CSMD3: variants seen among roughly 807,000 people sequenced by gnomAD.
The protein encoded by CSMD3 is CUB and sushi domain-containing protein 3.
A neutral mutation model predicts 435.2 loss-of-function variants in CSMD3; 177 were observed. That is an observed-to-expected ratio of 0.41 (90% CI 0.36 to 0.46). The LOEUF is 0.46. Among genes scored for constraint, CSMD3 ranks in the 20% least tolerant of loss-of-function variants. CSMD3 has a pLI of 0.34. For missense variants in CSMD3, 4,265 were observed against 4,504.6 expected, an observed-to-expected ratio of 0.95 and a Z score of 1.52; for synonymous variants, 1,656 against 1,520.5, an observed-to-expected ratio of 1.09 and a Z score of -2.07.
At chr8:112,448,888 G>A (rs1222535440) in intron 32 of CSMD3, among the ~76,000 whole-genome samples, 2 of 152,028 alleles carry the variant, frequency 1.3e-5, no homozygotes, top group Admixed American at 6.6e-5. Flanking sequence ...ACAGGCCAAA[G>A]TGCTAGAAAG....
chr8:113,214,372 T>C (rs2092876388), intron 3 of CSMD3, among the ~76,000 whole-genome samples: 1 of 151,988 alleles, frequency 6.6e-6, no homozygotes, highest in Non-Finnish European at 1.5e-5. Flanking sequence ...TCATTCATGC[T>C]AACTTTTTGA....
intron 1 of CSMD3, among the ~76,000 whole-genome samples, chr8:113,335,166 T>G (rs1399082475): frequency 6.6e-6 from 1 of 152,056 alleles, no homozygotes; most frequent in Non-Finnish European, 1.5e-5. Context: ...AATATCTTGC[T>G]CCTCCATTAC....
At chr8:112,482,818 G>T (rs1048651587) in intron 31 of CSMD3, among the ~76,000 whole-genome samples, 6 of 152,086 alleles carry the variant, frequency 3.9e-5, no homozygotes, top group Non-Finnish European at 8.8e-5. Flanking sequence ...GCTTTCTTGG[G>T]AATGTTTTCT....
intron 32 of CSMD3, among the ~76,000 whole-genome samples, chr8:112,467,362 G>A (rs1818061831): frequency 6.6e-6 from 1 of 152,112 alleles, no homozygotes; most frequent in South Asian, 2.1e-4. Context: ...AGAGCTATCT[G>A]GAATGCTAAA....
At chr8:112,351,378 A>G in intron 39 of CSMD3, 134 bp from the exon 40 acceptor site, 1 of 618,090 alleles carries the variant, frequency 1.6e-6, no homozygotes, top group Non-Finnish European at 2.9e-6. Flanking sequence ...ACTTATATGA[A>G]AATCTTAGCA....
intron 2 of CSMD3, among the ~76,000 whole-genome samples, chr8:113,296,291 T>TATA (rs4027872): frequency 0.14 from 20,483 of 146,070 alleles, 1,617 homozygotes; most frequent in Middle Eastern, 0.24. Flanking sequence ...GAACTTAAAG[T>TATA]ATAATAATAA....
chr8:112,889,265 C>T (rs1219785022), intron 10 of CSMD3, among the ~76,000 whole-genome samples: 1 of 151,644 alleles, frequency 6.6e-6, no homozygotes, highest in Non-Finnish European at 1.5e-5. Flanking sequence ...ATCATCATTA[C>T]CCTGATGATA....
Position 112,597,535 on chromosome 8 carries a change from G to C in CSMD3, c.3716-10300C>G, listed in dbSNP as rs1279952369. Among the ~76,000 whole-genome samples the C allele has an allele frequency of 3.0e-3, 364 of 122,112 alleles. 3 individuals are homozygous for C. In the Middle Eastern group the frequency reaches 0.038, roughly 13 times the overall value. The allele number at this position is 122,112 out of a possible 152,430, so 80.1% of individuals were successfully genotyped here. A position where few individuals can be genotyped will look rare whatever the true frequency, so the allele number is the denominator to read the frequency against. ...CATTTTATGAGGCCAGCATCATTCT[G>C]ATACCAAAGCCAGGCAGAGACACAA... On this transcript the variant is annotated intron_variant, in intron 22 of 70. Coordinates refer to ENST00000297405, the MANE Select transcript of CSMD3 (RefSeq NM_198123.2).
intron 5 of CSMD3, among the ~76,000 whole-genome samples, chr8:113,034,748 A>G (rs925624775): frequency 5.9e-5 from 9 of 152,194 alleles, no homozygotes; most frequent in African/African-American, 1.9e-4. Context: ...AATAGAGAAT[A>G]TACCATGCAA....
chr8:112,806,547 A>G (rs2079091675), intron 12 of CSMD3, among the ~76,000 whole-genome samples: 1 of 152,222 alleles, frequency 6.6e-6, no homozygotes, highest in African/African-American at 2.4e-5. Flanking sequence ...AGTTAAGAAC[A>G]AGCATTGATC....
intron 20 of CSMD3, among the ~76,000 whole-genome samples, chr8:112,643,885 A>C (rs557317371): frequency 6.6e-6 from 1 of 152,218 alleles, no homozygotes; most frequent in South Asian, 2.1e-4. Flanking sequence ...AATTTAATCA[A>C]AGGCAAACTT....
chr8:113,009,024 G>C (rs1037408468), intron 6 of CSMD3, among the ~76,000 whole-genome samples: 1 of 151,206 alleles, frequency 6.6e-6, no homozygotes, highest in Admixed American at 6.6e-5. Context: ...TAATATTTTT[G>C]CCATATTGCT....
At chr8:113,298,717 C>T (rs1362301531) in intron 2 of CSMD3, among the ~76,000 whole-genome samples, 2 of 152,034 alleles carry the variant, frequency 1.3e-5, no homozygotes, top group African/African-American at 4.8e-5. Flanking sequence ...AGACTAGTTA[C>T]ATGTTTGGTA....
chr8:113,153,675 CTGCATAAGTG>C (rs2091877293), intron 4 of CSMD3, among the ~76,000 whole-genome samples: 1 of 152,014 alleles, frequency 6.6e-6, no homozygotes, highest in Non-Finnish European at 1.5e-5. Flanking sequence ...GAATTCACAG[CTGCATAAGTG>C]TTCAAAAGTA....
At chr8:113,414,818 T>G (rs2094575002) in intron 1 of CSMD3, among the ~76,000 whole-genome samples, 1 of 151,992 alleles carries the variant, frequency 6.6e-6, no homozygotes, top group African/African-American at 2.4e-5. Context: ...AAACAAATAA[T>G]TAGCTGGGCG....
intron 10 of CSMD3, among the ~76,000 whole-genome samples, chr8:112,883,967 T>C (rs1316988799): frequency 6.6e-6 from 1 of 151,916 alleles, no homozygotes; most frequent in Non-Finnish European, 1.5e-5. Context: ...CTGAAGTCTC[T>C]AAGGTAATAG....
chr8:112,918,293 T>C (rs1018509849), intron 10 of CSMD3, among the ~76,000 whole-genome samples: 6 of 151,922 alleles, frequency 3.9e-5, no homozygotes, highest in African/African-American at 1.4e-4. Context: ...TTTTTATGGT[T>C]GTTTTTAGTA....
intron 10 of CSMD3, among the ~76,000 whole-genome samples, chr8:112,884,188 C>CT (rs1178552355): frequency 6.6e-6 from 1 of 151,850 alleles, no homozygotes; most frequent in East Asian, 1.9e-4. Context: ...TCTCCTTACT[C>CT]TATCTTTTCA....
At chr8:112,540,275 A>C (rs1440365067) in intron 27 of CSMD3, among the ~76,000 whole-genome samples, 1 of 151,988 alleles carries the variant, frequency 6.6e-6, no homozygotes, top group Non-Finnish European at 1.5e-5. Context: ...AGAAAGACAG[A>C]AAATAACATG....
Sources: gnomAD v4.1 joint callset for allele counts (sites outside exome capture counted in the v4.1 genomes callset) on GRCh38, gnomAD v4.1.1 for gene constraint, MANE v1.5 for transcripts, NCBI Gene and HGNC (gene_info 2026-07-23, HGNC 2026-07-21) for gene names.